The following ROBO2 variants were observed in gnomAD, a reference collection of about 807,000 sequenced individuals.
ROBO2 encodes the protein roundabout homolog 2.
A neutral mutation model predicts 160.8 loss-of-function variants in ROBO2; 53 were observed. That is an observed-to-expected ratio of 0.33 (90% CI 0.26 to 0.41). ROBO2 has a LOEUF of 0.41. Among genes scored for constraint, ROBO2 ranks in the 10% least tolerant of loss-of-function variants. The pLI, the probability that ROBO2 is intolerant of heterozygous loss-of-function variation, is 1.00. For missense variants in ROBO2, 1,577 were observed against 1,722.4 expected (o/e 0.92, Z 1.49); for synonymous variants, 664 against 611.7 (o/e 1.09, Z -1.26).
intron 2 of ROBO2, among the ~76,000 whole-genome samples, chr3:76,945,556 C>T (rs942091071): frequency 1.3e-5 from 2 of 152,218 alleles, no homozygotes; most frequent in African/African-American, 4.8e-5. Context: ...CTTTGAGAAA[C>T]TTTAATGACA....
At chr3:77,464,291 A>G (rs984610840) in intron 2 of ROBO2, among the ~76,000 whole-genome samples, 1 of 152,204 alleles carries the variant, frequency 6.6e-6, no homozygotes, top group Non-Finnish European at 1.5e-5. Flanking sequence ...CCTGCCAAAT[A>G]GTAGTAGCTC....
chr3:76,601,911 A>G (rs11127552), intron 2 of ROBO2, among the ~76,000 whole-genome samples: 142,659 of 152,266 alleles, frequency 0.94, 67,517 homozygotes, highest in Non-Finnish European at 1. Context: ...GTATAAATCT[A>G]AATGCCTTTA....
At chr3:76,012,006 G>A (rs1013397891) in intron 2 of ROBO2, among the ~76,000 whole-genome samples, 16 of 152,146 alleles carry the variant, frequency 1.1e-4, no homozygotes, top group African/African-American at 3.6e-4. Context: ...CCAGTTCAAT[G>A]TAGCCAAGAT....
intron 2 of ROBO2, among the ~76,000 whole-genome samples, chr3:76,639,695 A>T (rs141609700): frequency 1.1e-4 from 17 of 152,294 alleles, no homozygotes; most frequent in African/African-American, 4.1e-4. Context: ...AATAGTGAAG[A>T]CATGATTCAT....
intron 2 of ROBO2, among the ~76,000 whole-genome samples, chr3:76,137,947 T>C (rs2071491134): frequency 6.6e-6 from 1 of 152,028 alleles, no homozygotes; most frequent in Admixed American, 6.6e-5. Flanking sequence ...CAAGTCAGTA[T>C]TCTTAATTAC....
Position 77,568,303 on chromosome 3 carries a change from C to T in ROBO2, c.1850-10C>T. 3 of 1,612,408 alleles carry T rather than the reference C, an allele frequency of 1.9e-6. No homozygotes were observed. The highest frequency in any genetic ancestry group is 1.1e-5 in the South Asian group (1 of 91,056). On this transcript the variant is annotated splice_polypyrimidine_tract_variant and intron_variant, in intron 12 of 25. Transcript: ENST00000461745. ...TTAAAGGTGGGAATGATTCTCTTCT[C>T]TAACTGCAGATATCAGCCCACCAGC... is the stretch of plus-strand genomic sequence containing the variant.
chr3:76,949,210 C>A (rs1468123672), intron 2 of ROBO2, among the ~76,000 whole-genome samples: 6 of 151,874 alleles, frequency 4.0e-5, no homozygotes, highest in African/African-American at 1.5e-4. Context: ...GTTAATTCTG[C>A]CGTATGCTGT....
intron 2 of ROBO2, among the ~76,000 whole-genome samples, chr3:76,650,435 G>T (rs2091200276): frequency 6.7e-6 from 1 of 150,260 alleles, no homozygotes; most frequent in Non-Finnish European, 1.5e-5. Flanking sequence ...TACCAAATAA[G>T]TTTCTTAATA....
Position 76,701,649 on chromosome 3 carries a change from C to T in ROBO2, c.110-396365C>T, listed in dbSNP as rs143567887. The stretch of plus-strand genomic sequence containing the variant: ...CTGTGTGTAATGATAAATTTCACTA[C>T]CCAAATCAATTCTGGCCCAATTTCC... On this transcript the variant is annotated intron_variant, in intron 2 of 26. Coordinates refer to the ROBO2 transcript ENST00000487694. 2.2e-4 allele frequency among the ~76,000 whole-genome samples: 34 copies of T among 151,994 alleles called. No individual in the cohort carries two copies. In the East Asian group the frequency reaches 6.2e-3, roughly 28 times the overall value.
chr3:77,299,379 A>G (rs973949156), intron 2 of ROBO2, among the ~76,000 whole-genome samples: 2 of 152,194 alleles, frequency 1.3e-5, no homozygotes, highest in Non-Finnish European at 2.9e-5. Context: ...TCACGCTGCT[A>G]TGAAGAAATA....
chr3:76,258,908 G>A (rs1279952417), intron 2 of ROBO2, among the ~76,000 whole-genome samples: 1 of 151,972 alleles, frequency 6.6e-6, no homozygotes, highest in African/African-American at 2.4e-5. Context: ...TTTCAGCAAT[G>A]ACTATTGTTT....
chr3:76,833,300 A>C (rs978428665), intron 2 of ROBO2, among the ~76,000 whole-genome samples: 2 of 152,290 alleles, frequency 1.3e-5, no homozygotes, highest in Non-Finnish European at 2.9e-5. Flanking sequence ...AGTTTGAAAC[A>C]TGTGACAACT....
chr3:77,149,560 A>G (rs1428224523), intron 2 of ROBO2, among the ~76,000 whole-genome samples: 4 of 152,194 alleles, frequency 2.6e-5, no homozygotes, highest in Non-Finnish European at 5.9e-5. Context: ...CTCAGAGGTC[A>G]ATAGTGGCTT....
intron 2 of ROBO2, among the ~76,000 whole-genome samples, chr3:77,375,134 G>A (rs969766450): frequency 2.0e-5 from 3 of 152,188 alleles, no homozygotes; most frequent in Non-Finnish European, 2.9e-5. Flanking sequence ...ATCATTTGAG[G>A]CCAGGAGTTC....
intron 2 of ROBO2, among the ~76,000 whole-genome samples, chr3:76,814,042 C>A (rs994136081): frequency 1.2e-4 from 19 of 152,134 alleles, no homozygotes; most frequent in African/African-American, 3.6e-4. Context: ...AATATTCAAT[C>A]TCATTATAAT....
intron 1 of ROBO2, among the ~76,000 whole-genome samples, chr3:75,934,864 T>G (rs997818305): frequency 6.6e-6 from 1 of 152,124 alleles, no homozygotes; most frequent in African/African-American, 2.4e-5. Flanking sequence ...AAATGACTAC[T>G]GGATGTAGGT....
At chr3:77,542,878 T>C (rs920916186) in intron 6 of ROBO2, among the ~76,000 whole-genome samples, 4 of 152,202 alleles carry the variant, frequency 2.6e-5, no homozygotes, top group Non-Finnish European at 5.9e-5. Flanking sequence ...TATATCTTTC[T>C]TACAAAAATG....
chr3:77,360,664 T>G (rs2069831959), intron 2 of ROBO2, among the ~76,000 whole-genome samples: 1 of 151,976 alleles, frequency 6.6e-6, no homozygotes, highest in Admixed American at 6.6e-5. Flanking sequence ...GGTTTGCAAT[T>G]AGCTTTAATT....
intron 2 of ROBO2, among the ~76,000 whole-genome samples, chr3:77,100,378 A>T (rs946460456): frequency 2.0e-5 from 3 of 152,146 alleles, no homozygotes; most frequent in Admixed American, 6.5e-5. Context: ...TATGTTGCTC[A>T]TCTCTTTCCA....
Sources: allele counts gnomAD v4.1 joint callset (sites outside exome capture counted in the v4.1 genomes callset), GRCh38; gene constraint gnomAD v4.1.1; transcripts MANE v1.5; gene names NCBI Gene and HGNC (gene_info 2026-07-23, HGNC 2026-07-21).